The following FHIT variants were observed in gnomAD, a reference collection of about 807,000 sequenced individuals.
The protein encoded by FHIT is fragile histidine triad diadenosine triphosphatase.
FHIT carries 19 observed loss-of-function variants against 17.9 expected under a neutral mutation model. That is an observed-to-expected ratio of 1.06 (90% confidence interval 0.74 to 1.56). FHIT has a LOEUF of 1.56. Ranked by LOEUF, FHIT falls within the 40% of genes most tolerant of loss-of-function variation. The probability of loss-of-function intolerance (pLI) is 0.00; values close to 1 mark genes in which losing one functional copy is unlikely to be tolerated. For missense variants in FHIT, 248 were observed against 189.2 expected, an observed-to-expected ratio of 1.31 and a Z score of -1.82; for synonymous variants, 81 against 69.7, an observed-to-expected ratio of 1.16 and a Z score of -0.81.
intron 8 of FHIT, among the ~76,000 whole-genome samples, chr3:59,860,298 CT>C (rs540950595): frequency 1.3e-3 from 199 of 152,136 alleles, no homozygotes; most frequent in African/African-American, 4.7e-3. Context: ...GGACAGCTAG[CT>C]GACTTACAAA....
At chr3:60,917,733 A>G (rs1211744759) in intron 3 of FHIT, among the ~76,000 whole-genome samples, 2 of 152,268 alleles carry the variant, frequency 1.3e-5, no homozygotes, top group Non-Finnish European at 2.9e-5. Flanking sequence ...AAAATAACCC[A>G]AAACTCTTTA....
intron 1 of FHIT, among the ~76,000 whole-genome samples, chr3:61,240,294 T>G (rs1336578715): frequency 2.6e-5 from 4 of 152,174 alleles, no homozygotes; most frequent in Non-Finnish European, 5.9e-5. Context: ...TATCAGCAGC[T>G]CTCGTTAACC....
intron 3 of FHIT, among the ~76,000 whole-genome samples, chr3:60,828,585 AAGAAAGGAGC>A (rs1702206493): frequency 6.6e-6 from 1 of 152,154 alleles, no homozygotes; most frequent in Admixed American, 6.5e-5. Context: ...ACAGGTCTAA[AAGAAAGGAGC>A]AGGCTAGGCA....
chr3:60,127,471 G>A (rs1705606772), intron 5 of FHIT, among the ~76,000 whole-genome samples: 1 of 151,954 alleles, frequency 6.6e-6, no homozygotes, highest in South Asian at 2.1e-4. Context: ...ACTTCACAAG[G>A]CTATTACTTG....
chr3:60,280,826 G>C (rs1707393235), intron 5 of FHIT, among the ~76,000 whole-genome samples: 1 of 151,966 alleles, frequency 6.6e-6, no homozygotes, highest in Non-Finnish European at 1.5e-5. Flanking sequence ...GAAGACCTAG[G>C]TAAAAGTAAG....
chr3:61,018,928 T>A (rs959855925), intron 3 of FHIT, among the ~76,000 whole-genome samples: 3 of 152,172 alleles, frequency 2.0e-5, no homozygotes, highest in African/African-American at 7.2e-5. Flanking sequence ...ACCTGAAAGA[T>A]AATAAACTGG....
intron 5 of FHIT, among the ~76,000 whole-genome samples, chr3:60,019,795 C>A (rs932209998): frequency 2.0e-5 from 3 of 152,206 alleles, no homozygotes; most frequent in African/African-American, 7.2e-5. Flanking sequence ...GGTTACTTAA[C>A]TTGTTCAAAG....
chr3:60,270,679 TG>T (rs1193984846), intron 5 of FHIT, among the ~76,000 whole-genome samples: 1 of 152,152 alleles, frequency 6.6e-6, no homozygotes, highest in Non-Finnish European at 1.5e-5. Flanking sequence ...CAAATAAAAA[TG>T]GGCCAAGATT....
intron 5 of FHIT, among the ~76,000 whole-genome samples, chr3:60,075,321 C>T (rs1286331467): frequency 1.3e-5 from 2 of 151,948 alleles, no homozygotes; most frequent in East Asian, 1.9e-4. Flanking sequence ...CAGTACAGTT[C>T]CTCAGCCAAG....
chr3:61,139,130 C>T (rs1014832679), intron 2 of FHIT, among the ~76,000 whole-genome samples: 8 of 151,024 alleles, frequency 5.3e-5, no homozygotes, highest in Middle Eastern at 6.8e-3. Context: ...CCTGGGTTCA[C>T]GCCATTCTCC....
At chr3:59,838,213 C>T (rs970366319) in intron 8 of FHIT, among the ~76,000 whole-genome samples, 1 of 152,084 alleles carries the variant, frequency 6.6e-6, no homozygotes, top group South Asian at 2.1e-4. Context: ...GTTCCCTGAC[C>T]CCAGTCCCAC....
intron 5 of FHIT, among the ~76,000 whole-genome samples, chr3:60,420,296 A>G (rs1045700471): frequency 7.2e-5 from 11 of 152,144 alleles, no homozygotes; most frequent in African/African-American, 2.4e-4. Context: ...TGACCTAATA[A>G]TCATCCATAG....
chr3:60,862,978 T>A (rs933613782), intron 3 of FHIT, among the ~76,000 whole-genome samples: 5 of 152,146 alleles, frequency 3.3e-5, no homozygotes, highest in Non-Finnish European at 4.4e-5. Context: ...AGGAAGGTTA[T>A]CTTGAATTAT....
chr3:60,030,678 C>A (rs1243152947), intron 5 of FHIT, among the ~76,000 whole-genome samples: 1 of 152,052 alleles, frequency 6.6e-6, no homozygotes, highest in African/African-American at 2.4e-5. Flanking sequence ...CAGTATACTG[C>A]CCATAGAGCA....
intron 9 of FHIT, chr3:59,751,966 T>C (rs1700931950): frequency 4.9e-6 from 2 of 408,334 alleles, no homozygotes; most frequent in East Asian, 3.8e-5. Context: ...CAGGAAAGAC[T>C]GGAGAAAGGT....
chr3:60,387,770 T>TTGGCTA (rs1701068991), intron 5 of FHIT, among the ~76,000 whole-genome samples: 1 of 152,168 alleles, frequency 6.6e-6, no homozygotes, highest in African/African-American at 2.4e-5. Flanking sequence ...CTGAAATATT[T>TTGGCTA]TGGCTATAGT....
At chr3:60,818,932 T>C (rs2594147) in intron 4 of FHIT, among the ~76,000 whole-genome samples, 129,098 of 152,050 alleles carry the variant, frequency 0.85, 55,654 homozygotes, top group East Asian at 0.95. Flanking sequence ...TCTGGACCGA[T>C]CTGTGCTTCC....
At chr3:60,779,966 G>A (rs557926834) in intron 4 of FHIT, among the ~76,000 whole-genome samples, 13 of 152,272 alleles carry the variant, frequency 8.5e-5, no homozygotes, top group Admixed American at 7.2e-4. Context: ...CCCACCCCTA[G>A]GCCCCCCTGC....
intron 5 of FHIT, among the ~76,000 whole-genome samples, chr3:60,280,057 G>A (rs9855582): frequency 0.28 from 40,287 of 145,812 alleles, 6,319 homozygotes; most frequent in East Asian, 0.71. Flanking sequence ...AACAATAGAA[G>A]AAAACCAAAC....
Sources: gnomAD v4.1 joint callset for allele counts (sites outside exome capture counted in the v4.1 genomes callset) on GRCh38, gnomAD v4.1.1 for gene constraint, MANE v1.5 for transcripts, NCBI Gene and HGNC (gene_info 2026-07-23, HGNC 2026-07-21) for gene names.